The following PRKAR2B variants were observed in gnomAD, a reference collection of about 807,000 sequenced individuals.
PRKAR2B encodes the protein cAMP-dependent protein kinase type II-beta regulatory subunit.
Under a neutral mutation model 49.9 loss-of-function variants are expected in PRKAR2B, and 14 were observed. That is an observed-to-expected ratio of 0.28 (90% CI 0.19 to 0.44). The LOEUF (loss-of-function observed/expected upper bound fraction) is 0.44. Among genes scored for constraint, PRKAR2B ranks in the 20% least tolerant of loss-of-function variants. The pLI, the probability that PRKAR2B is intolerant of heterozygous loss-of-function variation, is 1.00. For missense variants in PRKAR2B, 393 were observed against 537.9 expected (o/e 0.73, Z 2.67); for synonymous variants, 196 against 197.7 (o/e 0.99, Z 0.07).
intron 1 of PRKAR2B, among the ~76,000 whole-genome samples, chr7:107,046,062 G>C (rs1004494239): frequency 6.6e-6 from 1 of 152,204 alleles, no homozygotes; most frequent in Non-Finnish European, 1.5e-5. Flanking sequence ...TAGAAAGAAT[G>C]AATGGGAAAG....
intron 1 of PRKAR2B, among the ~76,000 whole-genome samples, chr7:107,049,068 A>G (rs985114005): frequency 2.6e-5 from 4 of 152,170 alleles, no homozygotes; most frequent in Non-Finnish European, 5.9e-5. Flanking sequence ...ACGGTAGGCT[A>G]TAGCATTGCA....
At chr7:107,069,038 G>C (rs561658396) in intron 1 of PRKAR2B, among the ~76,000 whole-genome samples, 1 of 152,056 alleles carries the variant, frequency 6.6e-6, no homozygotes, top group Non-Finnish European at 1.5e-5. Context: ...GGGTTCAAGC[G>C]ATTCTCCTGC....
chr7:107,083,204 G>A (rs1794548738), intron 2 of PRKAR2B, among the ~76,000 whole-genome samples: 2 of 148,328 alleles, frequency 1.3e-5, no homozygotes, highest in East Asian at 2.0e-4. Context: ...GCAACAGAGC[G>A]AGACTGTCTC....
chr7:107,068,271 AG>A (rs1317098852), intron 1 of PRKAR2B, among the ~76,000 whole-genome samples: 1 of 152,054 alleles, frequency 6.6e-6, no homozygotes, highest in African/African-American at 2.4e-5. Context: ...AAGAGGCTGG[AG>A]GGGGCAGGGG....
intron 4 of PRKAR2B, among the ~76,000 whole-genome samples, chr7:107,134,417 T>C (rs1795659485): frequency 6.6e-6 from 1 of 152,244 alleles, no homozygotes; most frequent in African/African-American, 2.4e-5. Flanking sequence ...GCATTGTTTA[T>C]ACAAGTTTAA....
chr7:107,082,255 C>T (rs933966591), intron 2 of PRKAR2B, among the ~76,000 whole-genome samples: 5 of 152,102 alleles, frequency 3.3e-5, no homozygotes, highest in Non-Finnish European at 5.9e-5. Context: ...CAATTTACTT[C>T]TGAATTCTGT....
At chr7:107,135,935 G>A (rs1206465384) in intron 4 of PRKAR2B, among the ~76,000 whole-genome samples, 2 of 152,150 alleles carry the variant, frequency 1.3e-5, no homozygotes, top group Non-Finnish European at 2.9e-5. Context: ...TCAAGACTTA[G>A]TATAAAGTGA....
chr7:107,123,850 A>T (rs996038478), intron 3 of PRKAR2B, among the ~76,000 whole-genome samples: 1 of 152,206 alleles, frequency 6.6e-6, no homozygotes, highest in Non-Finnish European at 1.5e-5. Flanking sequence ...GTTTGATTAT[A>T]GCAAAGTACT....
chr7:107,126,472 A>G (rs1795497169), intron 3 of PRKAR2B, among the ~76,000 whole-genome samples: 1 of 151,270 alleles, frequency 6.6e-6, no homozygotes, highest in Non-Finnish European at 1.5e-5. Flanking sequence ...GGTAGCAGGA[A>G]GAAGAGAGAA....
At chr7:107,064,669 C>A (rs768599643) in intron 1 of PRKAR2B, among the ~76,000 whole-genome samples, 1 of 152,152 alleles carries the variant, frequency 6.6e-6, no homozygotes, top group Non-Finnish European at 1.5e-5. Flanking sequence ...CTTTGAGCCC[C>A]TTCACAGGCT....
chr7:107,047,600 C>T (rs1304580571), intron 1 of PRKAR2B, among the ~76,000 whole-genome samples: 1 of 151,466 alleles, frequency 6.6e-6, no homozygotes, highest in Non-Finnish European at 1.5e-5. Context: ...AAAGTATGAG[C>T]CTATCAGTTT....
intron 1 of PRKAR2B, among the ~76,000 whole-genome samples, chr7:107,065,322 A>ATATG: frequency 6.9e-6 from 1 of 143,914 alleles, no homozygotes; most frequent in East Asian, 2.1e-4. Flanking sequence ...GGGTGTGTGT[A>ATATG]TGTGTGTGTG....
At chr7:107,155,946 G>A (rs1341711018) in intron 8 of PRKAR2B, among the ~76,000 whole-genome samples, 1 of 152,178 alleles carries the variant, frequency 6.6e-6, no homozygotes, top group African/African-American at 2.4e-5. Flanking sequence ...ATGAGATAAT[G>A]TCCTTTGCAG....
At chr7:107,088,171 G>T (rs1794656735) in intron 2 of PRKAR2B, among the ~76,000 whole-genome samples, 1 of 152,188 alleles carries the variant, frequency 6.6e-6, no homozygotes, top group South Asian at 2.1e-4. Flanking sequence ...CAGGAGAGCA[G>T]TCAGAGTTTG....
intron 2 of PRKAR2B, among the ~76,000 whole-genome samples, chr7:107,102,145 T>G (rs1027093979): frequency 2.6e-5 from 4 of 152,142 alleles, no homozygotes; most frequent in African/African-American, 9.7e-5. Flanking sequence ...GGGCAGAGGT[T>G]GCAGTGAGCT....
At chr7:107,113,408 T>G (rs1258684211) in intron 2 of PRKAR2B, among the ~76,000 whole-genome samples, 1 of 152,218 alleles carries the variant, frequency 6.6e-6, no homozygotes, top group Non-Finnish European at 1.5e-5. Context: ...CCTTGGCATT[T>G]TAATTTCTTA....
intron 1 of PRKAR2B, among the ~76,000 whole-genome samples, chr7:107,050,494 A>G (rs749018672): frequency 1.8e-4 from 27 of 152,122 alleles, no homozygotes; most frequent in Non-Finnish European, 3.7e-4. Context: ...GTTAACAGCT[A>G]TGTTGAAAAA....
At chr7:107,057,801 C>T (rs943402813) in intron 1 of PRKAR2B, among the ~76,000 whole-genome samples, 2 of 151,482 alleles carry the variant, frequency 1.3e-5, no homozygotes, top group Admixed American at 1.3e-4. Context: ...AGGAAACAAA[C>T]AAATACAAGT....
chr7:107,045,039 G>A lies in PRKAR2B; in HGVS notation c.132G>A (p.Glu44=), dbSNP rs1284711000. 2 of 1,548,822 alleles carry A rather than the reference G, an allele frequency of 1.3e-6. No individual in the cohort carries two copies. The highest frequency in any genetic ancestry group is 1.9e-5 in the Admixed American group (1 of 51,536). Reference sequence around the variant, plus strand: ...TCACCCGCCTGCAGCAGGAGAACGAGCGCAAAGGCACCGCGCGCTTCGGCC... The same window carrying A: ...TCACCCGCCTGCAGCAGGAGAACGAACGCAAAGGCACCGCGCGCTTCGGCC... ...QHFTRLQQEN[E]RKGTARFGHE... is the part of the protein sequence containing the mutation. The change falls in exon 1 of 11, where the codon GAG becomes GAA. Residue 44 remains glutamate, a synonymous_variant. Transcript: ENST00000265717.
Sources: allele counts gnomAD v4.1 joint callset (sites outside exome capture counted in the v4.1 genomes callset), GRCh38; gene constraint gnomAD v4.1.1; transcripts MANE v1.5; gene names NCBI Gene and HGNC (gene_info 2026-07-23, HGNC 2026-07-21).